The following ATP6V1E2 variants were observed in gnomAD, a reference collection of about 807,000 sequenced individuals.
ATP6V1E2 encodes V-type proton ATPase subunit E 2.
For synonymous variants in ATP6V1E2, 121 were observed against 104.2 expected (o/e 1.16, Z -0.98); for missense variants, 308 against 273.3 (o/e 1.13, Z -0.90).
chr2:46,512,933 A>G lies in ATP6V1E2; in HGVS notation c.-101-121T>C, dbSNP rs149083625. On this transcript the variant is annotated intron_variant, in intron 4 of 4. Transcript: ENST00000522587. ...AATTGAGGTCCAGAGAAGGAACACA[A>G]TTTATCTAAGGTTATACTCTAGAAG... is the stretch of plus-strand genomic sequence containing the variant. 1.3e-4 allele frequency: 64 copies of G among 505,584 alleles called. No individual in the cohort carries two copies. In the Admixed American group the frequency reaches 2.1e-3, roughly 17 times the overall value. 31.3% of individuals were successfully genotyped at this position (505,584 alleles called of 1,614,324 possible). A position where few individuals can be genotyped will look rare whatever the true frequency, so the allele number is the denominator to read the frequency against.
intron 4 of ATP6V1E2, among the ~76,000 whole-genome samples, chr2:46,531,012 C>T (rs1484273974): frequency 6.7e-6 from 1 of 149,554 alleles, no homozygotes; most frequent in Admixed American, 6.8e-5. Context: ...CTTTTTTTCT[C>T]TTGGTTGGTG....
intron 4 of ATP6V1E2, among the ~76,000 whole-genome samples, chr2:46,529,517 G>C (rs1223986782): frequency 6.6e-6 from 1 of 152,230 alleles, no homozygotes; most frequent in Non-Finnish European, 1.5e-5. Flanking sequence ...TGCTTTGGAA[G>C]GCCAAGGCAG....
Position 46,520,241 on chromosome 2 carries a change from G to A in ATP6V1E2, c.-101-7429C>T, listed in dbSNP as rs187034651. On this transcript the variant is annotated intron_variant, in intron 4 of 4. Transcript: ENST00000522587. ...TGAGCAAGTCCCTCTGCAGGAAAGC[G>A]TGTGCCCATGTAATGTGTCTAGCAG... Among the ~76,000 whole-genome samples the A allele has an allele frequency of 6.9e-4, 105 of 152,354 alleles. 3 individuals are homozygous for A. Among genetic ancestry groups the A allele is most frequent in the Admixed American group, 6.3e-3 (96 of 15,304 alleles).
intron 4 of ATP6V1E2, chr2:46,534,434 T>G (rs974495149): frequency 6.6e-6 from 1 of 152,226 alleles, no homozygotes; most frequent in Non-Finnish European, 1.5e-5. Flanking sequence ...TGTTCATGTT[T>G]TCCTTTAAAT....
At chr2:46,525,135 G>T (rs1666832883) in intron 4 of ATP6V1E2, among the ~76,000 whole-genome samples, 1 of 152,190 alleles carries the variant, frequency 6.6e-6, no homozygotes. Flanking sequence ...TCAGCCTCTG[G>T]CTACACAGAA....
intron 4 of ATP6V1E2, among the ~76,000 whole-genome samples, chr2:46,524,358 C>A (rs1269790547): frequency 2.6e-5 from 4 of 152,042 alleles, no homozygotes; most frequent in African/African-American, 7.3e-5. Flanking sequence ...AAAACTCAGA[C>A]AAGAAAATGA....
chr2:46,513,753 A>T (rs1263000324), intron 4 of ATP6V1E2, among the ~76,000 whole-genome samples: 1 of 152,076 alleles, frequency 6.6e-6, no homozygotes, highest in Non-Finnish European at 1.5e-5. Flanking sequence ...TGAACCCAGG[A>T]GGCAGAGGTT....
rs545932237 is a variant in ATP6V1E2, at chr2:46,535,312, A to G, written c.-102+501T>C. ...AGGTGGAAATCTCTACTCCCTCTACATGAAGCACATTAATAAAGTGATCTG... is the reference window on the plus strand; with the variant it reads ...AGGTGGAAATCTCTACTCCCTCTACGTGAAGCACATTAATAAAGTGATCTG... On this transcript the variant is annotated intron_variant, in intron 4 of 4. Coordinates refer to ENST00000522587, the MANE Select transcript of ATP6V1E2 (RefSeq NM_001318063.2). The surrounding 1 kb of genome is among the most constrained non-coding windows in gnomAD (Gnocchi z 4.4). 9 of 152,228 alleles carry G rather than the reference A, an allele frequency of 5.9e-5. No individual in the cohort carries two copies. Among genetic ancestry groups the G allele is most frequent in the Non-Finnish European group, 8.8e-5 (6 of 68,044 alleles). The allele number at this position is 152,228 out of a possible 1,614,324, so 9.4% of individuals were successfully genotyped here.
At chr2:46,532,197 G>C (rs1269957063) in intron 4 of ATP6V1E2, among the ~76,000 whole-genome samples, 2 of 152,042 alleles carry the variant, frequency 1.3e-5, no homozygotes, top group Non-Finnish European at 2.9e-5. Flanking sequence ...TATATGTTGA[G>C]AGGGAAAGAT....
chr2:46,523,524 T>C (rs1346196219), intron 4 of ATP6V1E2, among the ~76,000 whole-genome samples: 1 of 152,142 alleles, frequency 6.6e-6, no homozygotes, highest in African/African-American at 2.4e-5. Flanking sequence ...TTTGTCAGGT[T>C]TTTCGAAGAT....
chr2:46,523,842 T>C (rs1342842728), intron 4 of ATP6V1E2, among the ~76,000 whole-genome samples: 2 of 152,252 alleles, frequency 1.3e-5, no homozygotes, highest in Non-Finnish European at 2.9e-5. Context: ...ATTTTCATGA[T>C]ATTGATTCTT....
intron 4 of ATP6V1E2, among the ~76,000 whole-genome samples, chr2:46,515,142 T>A (rs887475669): frequency 5.9e-5 from 9 of 152,222 alleles, no homozygotes; most frequent in African/African-American, 2.2e-4. Flanking sequence ...AATGGAATCT[T>A]TCTATTTGAA....
chr2:46,514,012 A>G (rs180787241), intron 4 of ATP6V1E2, among the ~76,000 whole-genome samples: 219 of 150,552 alleles, frequency 1.5e-3, no homozygotes, highest in African/African-American at 5.0e-3. Flanking sequence ...TAGTGTGGTG[A>G]CTCATGCCTG....
chr2:46,513,382 G>T (rs2103821120), intron 4 of ATP6V1E2, among the ~76,000 whole-genome samples: 1 of 152,332 alleles, frequency 6.6e-6, no homozygotes, highest in Non-Finnish European at 1.5e-5. Context: ...TGAGGAGAAT[G>T]TGCATTCTGC....
intron 2 of ATP6V1E2, among the ~76,000 whole-genome samples, chr2:46,538,739 T>C (rs1000693159): frequency 6.6e-6 from 1 of 152,078 alleles, no homozygotes; most frequent in Non-Finnish European, 1.5e-5. Flanking sequence ...ATAAATGACC[T>C]ACAGCTTCCA....
rs540967481 is a variant in ATP6V1E2, at chr2:46,512,192, C to T, written c.520G>A (p.Ala174Thr). 4.6e-5 allele frequency: 74 copies of T among 1,614,178 alleles called. No individual in the cohort carries two copies. The South Asian group carries it at 6.1e-4, about 13-fold the overall frequency. ...TCCACACCTCCAGCTGCATTCACAGCCAGGTATGCCTCTTTATCAATCTGG... is the reference window on the plus strand; with the variant it reads ...TCCACACCTCCAGCTGCATTCACAGTCAGGTATGCCTCTTTATCAATCTGG... ...EVQIDKEAYL[A>T]VNAAGGVEVY... Residue 174 changes from alanine to threonine, a missense_variant, in exon 5 of 5, where the codon GCT becomes ACT. Coordinates refer to ENST00000522587, the MANE Select transcript of ATP6V1E2 (RefSeq NM_001318063.2).
At chr2:46,528,564 G>A (rs1667037485) in intron 4 of ATP6V1E2, among the ~76,000 whole-genome samples, 1 of 152,244 alleles carries the variant, frequency 6.6e-6, no homozygotes, top group Non-Finnish European at 1.5e-5. Flanking sequence ...CCCGCCTCAT[G>A]AGGGTGGAAA....
intron 4 of ATP6V1E2, among the ~76,000 whole-genome samples, chr2:46,527,421 C>T (rs1468623149): frequency 6.6e-6 from 1 of 152,126 alleles, no homozygotes; most frequent in Non-Finnish European, 1.5e-5. Context: ...CAGGGTTTCA[C>T]CATGTTAGCC....
chr2:46,534,636 G>A (rs1198989828), intron 4 of ATP6V1E2: 1 of 152,106 alleles, frequency 6.6e-6, no homozygotes, highest in African/African-American at 2.4e-5. Flanking sequence ...TTTAAAAATG[G>A]TAAAATTTGT....
Sources: allele counts gnomAD v4.1 joint callset (sites outside exome capture counted in the v4.1 genomes callset), GRCh38; gene constraint gnomAD v4.1.1; non-coding constraint Gnocchi (gnomAD v3.1); transcripts MANE v1.5; gene names NCBI Gene and HGNC (gene_info 2026-07-23, HGNC 2026-07-21).